TBC1D32: variants seen among roughly 807,000 people sequenced by gnomAD.
TBC1D32 encodes TBC1 domain family member 32.
A neutral mutation model predicts 170.3 loss-of-function variants in TBC1D32; 151 were observed. The ratio of observed to expected loss-of-function variants is 0.89; its 90% CI spans 0.78 to 1.01. The LOEUF is 1.01. Ranked by LOEUF, TBC1D32 falls within the 50% of genes least tolerant of loss-of-function variation. TBC1D32 has a pLI of 0.00. For missense variants in TBC1D32, 1,464 were observed against 1,457.1 expected (o/e 1.00, Z -0.08); for synonymous variants, 498 against 488.0 (o/e 1.02, Z -0.27).
chr6:121,118,476 T>C (rs1779909110), intron 26 of TBC1D32, among the ~76,000 whole-genome samples: 1 of 152,214 alleles, frequency 6.6e-6, no homozygotes, highest in Non-Finnish European at 1.5e-5. Flanking sequence ...TCACATGAAC[T>C]GATATCACTC....
At chr6:121,124,803 G>A (rs1386517577) in intron 26 of TBC1D32, among the ~76,000 whole-genome samples, 1 of 151,388 alleles carries the variant, frequency 6.6e-6, no homozygotes, top group African/African-American at 2.4e-5. Flanking sequence ...CAATTCTGCT[G>A]TTGATGCTCT....
intron 15 of TBC1D32, among the ~76,000 whole-genome samples, chr6:121,270,565 A>T (rs961493646): frequency 2.6e-4 from 39 of 152,194 alleles, no homozygotes; most frequent in Non-Finnish European, 1.0e-4. Context: ...AACCAAGAAG[A>T]AGCTGAATCC....
chr6:121,281,668 C>A lies in TBC1D32; in HGVS notation c.1484G>T (p.Ser495Ile). Reference protein sequence around the residue: ...AAHSENYSPASMVTEVLWILS... With the variant: ...AAHSENYSPAIMVTEVLWILS... ...TATCCACAGAACTTCAGTCACCATA[C>A]TTGCAGGAGAGTAATTCTCTAATAA... is the stretch of plus-strand genomic sequence containing the variant. The change falls in exon 14 of 32, where the codon AGT (serine) becomes ATT (isoleucine). Residue 495 changes from serine (S) to isoleucine (I), a missense_variant. This residue lies in a region of TBC1D32 where 1,363 missense variants were observed against 1,338.1 expected (regional missense o/e 1.02). Coordinates refer to ENST00000398212, the MANE Select transcript of TBC1D32 (RefSeq NM_152730.6). 6.3e-7 allele frequency: 1 copy of A among 1,595,320 alleles called. No homozygotes were observed. The highest frequency in any genetic ancestry group is 8.5e-7 in the Non-Finnish European group (1 of 1,170,676).
intron 15 of TBC1D32, among the ~76,000 whole-genome samples, chr6:121,265,854 G>T (rs1422322699): frequency 1.3e-5 from 2 of 152,182 alleles, no homozygotes; most frequent in East Asian, 3.9e-4. Flanking sequence ...ATGGTGGTGG[G>T]AAAACTGGCT....
At chr6:121,132,695 T>C (rs1024129853) in intron 24 of TBC1D32, among the ~76,000 whole-genome samples, 1 of 151,982 alleles carries the variant, frequency 6.6e-6, no homozygotes. Flanking sequence ...AGATAATGAA[T>C]AGAGCTAAAG....
intron 24 of TBC1D32, among the ~76,000 whole-genome samples, chr6:121,150,610 T>C (rs924257450): frequency 7.2e-5 from 11 of 152,190 alleles, no homozygotes; most frequent in Admixed American, 2.0e-4. Context: ...CTGGCAGAAT[T>C]TGGCTGTGAA....
intron 31 of TBC1D32, among the ~76,000 whole-genome samples, chr6:121,089,282 C>T (rs1776562910): frequency 6.6e-6 from 1 of 151,932 alleles, no homozygotes; most frequent in Non-Finnish European, 1.5e-5. Flanking sequence ...CACATTTTAC[C>T]AGAGAAGACA....
At chr6:121,322,713 CATTT>C (rs995861319) in intron 1 of TBC1D32, among the ~76,000 whole-genome samples, 4 of 152,154 alleles carry the variant, frequency 2.6e-5, no homozygotes, top group African/African-American at 9.7e-5. Context: ...AGAACAAATC[CATTT>C]ATCTATCATC....
chr6:121,334,529 G>T, upstream of TBC1D32: 1 of 1,407,366 alleles, frequency 7.1e-7, no homozygotes, highest in African/African-American at 1.5e-5. Flanking sequence ...CCGGCTACGT[G>T]CGGCGTCGTT....
At chr6:121,197,063 T>C (rs2128294103) in intron 22 of TBC1D32, among the ~76,000 whole-genome samples, 1 of 152,310 alleles carries the variant, frequency 6.6e-6, no homozygotes, top group Admixed American at 6.5e-5. Flanking sequence ...CTGGATACTT[T>C]GGGTTTCTCC....
rs768082395 is a variant in TBC1D32 at position 121,183,160 on chromosome 6, T to A, written c.2570+21915A>T. ...ATCCCACACAAAAACAGTCTTACAG[T>A]AGGCATTATGAAGTTACTTTTATCA... On this transcript the variant is annotated intron_variant, in intron 22 of 31. Coordinates refer to ENST00000398212, the MANE Select transcript of TBC1D32 (RefSeq NM_152730.6). Among the ~76,000 whole-genome samples, 11 of 152,056 alleles carry A rather than the reference T, an allele frequency of 7.2e-5. 1 individual carries two copies. The highest frequency in any genetic ancestry group is 1.3e-4 in the Admixed American group (2 of 15,240).
Position 121,113,132 on chromosome 6 carries a change from A to G in TBC1D32, c.3099T>C (p.Asp1033=), listed in dbSNP as rs149431059. 2.7e-4 allele frequency: 435 copies of G among 1,611,864 alleles called. 1 individual carries two copies. The African/African-American group carries it at 5.4e-3, about 20-fold the overall frequency. ...CACAATGCTTTAAAACCCAGGTAAGATCATTTTCTGCACCATCTTTTAAGA... is the reference window on the plus strand; with the variant it reads ...CACAATGCTTTAAAACCCAGGTAAGGTCATTTTCTGCACCATCTTTTAAGA... The part of the protein sequence containing the change: ...LSLLKDGAEN[D]LTWVLKHCER... The change falls in exon 28 of 32, where the codon GAT becomes GAC. Residue 1033 remains aspartate (D), a synonymous_variant. Coordinates refer to ENST00000398212, the MANE Select transcript of TBC1D32 (RefSeq NM_152730.6).
rs1806846350 is a variant in TBC1D32 at position 121,303,752 on chromosome 6, T to C, written c.945A>G (p.Glu315=). ...FWIRHPEKYM[E]EIVESTLSLL... is the part of the protein sequence containing the mutation. Reference sequence around the variant, plus strand: ...AGGACAAAGTACTCTCCACAATTTCTTCCATATACCTTAAAGTTTGGGAAA... The same window carrying C: ...AGGACAAAGTACTCTCCACAATTTCCTCCATATACCTTAAAGTTTGGGAAA... Residue 315 remains glutamate (E), a synonymous_variant, in exon 9 of 32, where the codon GAA becomes GAG. Coordinates refer to ENST00000398212, the MANE Select transcript of TBC1D32 (RefSeq NM_152730.6). 12 of 1,537,872 alleles carry C rather than the reference T, an allele frequency of 7.8e-6. No individual in the cohort carries two copies. The highest frequency in any genetic ancestry group is 1.1e-5 in the Non-Finnish European group (12 of 1,131,658).
chr6:121,245,642 T>G (rs896882797), intron 17 of TBC1D32, among the ~76,000 whole-genome samples: 4 of 152,132 alleles, frequency 2.6e-5, no homozygotes, highest in Non-Finnish European at 5.9e-5. Flanking sequence ...AACTGAGCCT[T>G]CTTTCATGGG....
intron 30 of TBC1D32, among the ~76,000 whole-genome samples, chr6:121,093,436 T>C (rs2128178245): frequency 6.6e-6 from 1 of 152,278 alleles, no homozygotes; most frequent in South Asian, 2.1e-4. Flanking sequence ...GCCAATCAAC[T>C]TAAGGCCATA....
chr6:121,307,038 C>CT (rs201681222), intron 5 of TBC1D32, among the ~76,000 whole-genome samples: 4,963 of 151,282 alleles, frequency 0.033, 190 homozygotes, highest in East Asian at 0.12. Context: ...AAATATTTTT[C>CT]TTTTTTTTTA....
At chr6:121,205,047 A>G (rs1792060550) in intron 22 of TBC1D32, 28 bp downstream of exon 22, 2 of 1,277,222 alleles carry the variant, frequency 1.6e-6, no homozygotes, top group African/African-American at 1.5e-5. Context: ...ATAAAATATA[A>G]TATCAAAAGT....
intron 5 of TBC1D32, among the ~76,000 whole-genome samples, chr6:121,307,527 G>A (rs1807512655): frequency 6.6e-6 from 1 of 152,058 alleles, no homozygotes; most frequent in Non-Finnish European, 1.5e-5. Flanking sequence ...CAATTAGAAA[G>A]CTGAAACTGA....
At chr6:121,331,370 G>A (rs141416730) in intron 1 of TBC1D32, among the ~76,000 whole-genome samples, 3,910 of 87,242 alleles carry the variant, frequency 0.045, 162 homozygotes, top group Admixed American at 0.21. Context: ...TACCATGCCC[G>A]GCTAATTTTT....
Sources: allele counts gnomAD v4.1 joint callset (sites outside exome capture counted in the v4.1 genomes callset), GRCh38; gene constraint gnomAD v4.1.1; regional missense constraint gnomAD v4.1.1; transcripts MANE v1.5; gene names NCBI Gene and HGNC (gene_info 2026-07-23, HGNC 2026-07-21).